GRIA2: variants seen among roughly 807,000 people sequenced by gnomAD.
The protein encoded by GRIA2 is glutamate receptor 2.
GRIA2 carries 14 observed loss-of-function variants against 97.3 expected under a neutral mutation model. The observed-to-expected ratio is 0.14, with a 90% CI of 0.10 to 0.23. GRIA2 has a LOEUF of 0.23. Among genes scored for constraint, GRIA2 ranks in the 10% least tolerant of loss-of-function variants. GRIA2 has a pLI of 1.00. For missense variants in GRIA2, 558 were observed against 1,069.8 expected (o/e 0.52, Z 6.67); for synonymous variants, 412 against 387.8 (o/e 1.06, Z -0.73).
chr4:157,322,979 A>AG (rs1200989169), intron 6 of GRIA2, among the ~76,000 whole-genome samples: 1 of 152,200 alleles, frequency 6.6e-6, no homozygotes, highest in African/African-American at 2.4e-5. Context: ...ATTTTAAAGA[A>AG]GAACACCAAG....
chr4:157,363,654 C>T lies in GRIA2; in HGVS notation c.*223C>T. 1 of 1,061,070 alleles carries T rather than the reference C, an allele frequency of 9.4e-7. No individual in the cohort carries two copies. The highest frequency in any genetic ancestry group is 3.2e-5 in the East Asian group (1 of 30,902). The allele number at this position is 1,061,070 out of a possible 1,614,324, so 65.7% of individuals were successfully genotyped here. On this transcript the variant is annotated 3_prime_UTR_variant, in exon 16 of 16. Transcript: ENST00000264426. ...AATGGTTTTCTTGTGTGTTTATTGT[C>T]AAAGTGGTGAGAGGCATCCAGTATC...
At chr4:157,221,404 T>A in intron 1 of GRIA2, 1 of 571,592 alleles carries the variant, frequency 1.7e-6, no homozygotes, top group South Asian at 2.4e-5. Flanking sequence ...TCAGATTTTC[T>A]TGGGGTCTGA....
At position 157,364,459 on chromosome 4, in the gene GRIA2, A is replaced by T. The variant is rs916856014; in HGVS notation, c.*1028A>T. 1 of 151,594 alleles carries T rather than the reference A, an allele frequency of 6.6e-6. No individual in the cohort carries two copies. The highest frequency in any genetic ancestry group is 1.9e-4 in the East Asian group (1 of 5,168). 9.4% of individuals were successfully genotyped at this position (151,594 alleles called of 1,614,324 possible). ...AAAGTAATATCTGAATATCTTTTTG[A>T]CATGTCTAAATATATATATATATAA... On this transcript the variant is annotated 3_prime_UTR_variant, in exon 16 of 16. Coordinates refer to ENST00000264426, the MANE Select transcript of GRIA2 (RefSeq NM_001083619.3).
chr4:157,307,881 A>C (rs1553954398), intron 3 of GRIA2, among the ~76,000 whole-genome samples: 1 of 152,202 alleles, frequency 6.6e-6, no homozygotes, highest in Non-Finnish European at 1.5e-5. Context: ...TCAAATTATA[A>C]TTTTTTCCCT....
intron 2 of GRIA2, among the ~76,000 whole-genome samples, chr4:157,293,148 A>AT (rs1164428114): frequency 6.6e-6 from 1 of 152,160 alleles, no homozygotes; most frequent in East Asian, 1.9e-4. Context: ...ATTTGATAGC[A>AT]TGGATAACCT....
At chr4:157,221,520 AC>A in intron 1 of GRIA2, 146 bp from the exon 2 acceptor site, 1 of 809,744 alleles carries the variant, frequency 1.2e-6, no homozygotes, top group South Asian at 1.7e-5. Context: ...TGGATATTCC[AC>A]CCCCGCTGTC....
chr4:157,337,757 T>C (rs1735352521), intron 11 of GRIA2, among the ~76,000 whole-genome samples: 2 of 151,854 alleles, frequency 1.3e-5, no homozygotes, highest in East Asian at 3.9e-4. Context: ...TCTTTTGCAA[T>C]CTTTTTAGTA....
intron 1 of GRIA2, chr4:157,221,365 T>G (rs1729484156): frequency 3.5e-6 from 2 of 564,762 alleles, no homozygotes; most frequent in African/African-American, 3.8e-5. Context: ...ATTTTATTAA[T>G]TCTGCCTTAG....
intron 12 of GRIA2, among the ~76,000 whole-genome samples, chr4:157,357,682 A>G (rs1347685047): frequency 2.0e-5 from 3 of 152,138 alleles, no homozygotes; most frequent in African/African-American, 7.2e-5. Context: ...GTGACCTAAC[A>G]TACCAGAACT....
chr4:157,314,662 T>G (rs1560761596), intron 4 of GRIA2, among the ~76,000 whole-genome samples: 1 of 152,296 alleles, frequency 6.6e-6, no homozygotes, highest in African/African-American at 2.4e-5. Context: ...TATATAAAAA[T>G]ATATTTTTCC....
At chr4:157,312,967 C>T in intron 4 of GRIA2, 92 bp downstream of exon 4, 1 of 691,024 alleles carries the variant, frequency 1.4e-6, no homozygotes, top group Non-Finnish European at 2.3e-6. Flanking sequence ...GGTGCTTGAA[C>T]AGCAGTTTTT....
chr4:157,261,645 T>C (rs1731541064), intron 2 of GRIA2, among the ~76,000 whole-genome samples: 1 of 152,120 alleles, frequency 6.6e-6, no homozygotes, highest in Admixed American at 6.6e-5. Context: ...GAAATTAGAT[T>C]AGCTAAATTA....
intron 6 of GRIA2, among the ~76,000 whole-genome samples, chr4:157,324,452 G>A (rs2126913209): frequency 6.6e-6 from 1 of 152,302 alleles, no homozygotes; most frequent in East Asian, 1.9e-4. Flanking sequence ...GATAAAATAT[G>A]CCAGTTTCTT....
At chr4:157,355,254 A>G (rs1736194909) in intron 12 of GRIA2, among the ~76,000 whole-genome samples, 1 of 152,126 alleles carries the variant, frequency 6.6e-6, no homozygotes, top group Non-Finnish European at 1.5e-5. Context: ...CCGGCCGGGC[A>G]CAGTGGCTCA....
rs72962818 is a variant in GRIA2, at chr4:157,241,157, G to A, written c.229+19350G>A. Among the ~76,000 whole-genome samples, 1,243 of 152,130 alleles carry A rather than the reference G, an allele frequency of 8.2e-3. 12 individuals are homozygous for A. Among genetic ancestry groups the A allele is most frequent in the African/African-American group, 0.029 (1,183 of 41,502 alleles). On this transcript the variant is annotated intron_variant, in intron 2 of 15. Coordinates refer to ENST00000264426, the MANE Select transcript of GRIA2 (RefSeq NM_001083619.3). ...ATCTGAGTATTTGCATGTTTGCAAT[G>A]GTTTTAATTCTCCTCTCATATGTGA... is the stretch of plus-strand genomic sequence containing the variant.
At chr4:157,317,423 A>T (rs1179868203) in intron 4 of GRIA2, among the ~76,000 whole-genome samples, 1 of 152,122 alleles carries the variant, frequency 6.6e-6, no homozygotes, top group African/African-American at 2.4e-5. Context: ...ATTTTTGTTT[A>T]GTGACTTCCT....
Position 157,256,254 on chromosome 4 carries a change from A to ATATTATATGTAATATATAAT in GRIA2, c.229+34447_229+34448insTATTATATGTAATATATAAT, listed in dbSNP as rs11416827. On this transcript the variant is annotated intron_variant, in intron 2 of 15. Coordinates refer to ENST00000264426, the MANE Select transcript of GRIA2 (RefSeq NM_001083619.3). ...ATATAATATATATATATAATATATA[A>ATATTATATGTAATATATAAT]ATTATATATTACATATATATGTTAT... 4.2e-3 allele frequency among the ~76,000 whole-genome samples: 449 copies of ATATTATATGTAATATATAAT among 106,610 alleles called. 9 individuals are homozygous for ATATTATATGTAATATATAAT. Among genetic ancestry groups the ATATTATATGTAATATATAAT allele is most frequent in the Non-Finnish European group, 6.5e-3 (333 of 51,082 alleles). The allele number at this position is 106,610 out of a possible 152,430, so 69.9% of individuals were successfully genotyped here.
intron 2 of GRIA2, among the ~76,000 whole-genome samples, chr4:157,223,650 A>G (rs1357725680): frequency 1.3e-5 from 2 of 152,202 alleles, no homozygotes; most frequent in Non-Finnish European, 2.9e-5. Context: ...TTGTATACTT[A>G]TGTGAAAATG....
intron 6 of GRIA2, among the ~76,000 whole-genome samples, chr4:157,327,912 G>T (rs897403129): frequency 6.6e-6 from 1 of 152,014 alleles, no homozygotes; most frequent in Non-Finnish European, 1.5e-5. Context: ...TGGCCTAATA[G>T]AATTAATTCT....
Sources: gnomAD v4.1 joint callset for allele counts (sites outside exome capture counted in the v4.1 genomes callset) on GRCh38, gnomAD v4.1.1 for gene constraint, MANE v1.5 for transcripts, NCBI Gene and HGNC (gene_info 2026-07-23, HGNC 2026-07-21) for gene names.